Variants in HMGCLL1 observed in about 807,000 individuals in gnomAD.
HMGCLL1 encodes the protein 3-hydroxymethyl-3-methylglutaryl-CoA lyase, cytoplasmic.
In HMGCLL1, 36 loss-of-function variants were observed where a neutral mutation model predicts 39.1. The observed-to-expected ratio is 0.92, with a 90% CI of 0.71 to 1.22. The LOEUF (loss-of-function observed/expected upper bound fraction) is 1.22, where lower values mean the gene tolerates loss of function less well. Ranked by LOEUF, HMGCLL1 falls within the 50% of genes most tolerant of loss-of-function variation. The probability of loss-of-function intolerance (pLI) is 0.00; values close to 1 mark genes in which losing one functional copy is unlikely to be tolerated. For synonymous variants in HMGCLL1, 149 were observed against 144.0 expected (o/e 1.03, Z -0.25); for missense variants, 451 against 416.5 (o/e 1.08, Z -0.72).
At chr6:55,476,841 C>T (rs1280526448) in intron 7 of HMGCLL1, among the ~76,000 whole-genome samples, 1 of 150,414 alleles carries the variant, frequency 6.6e-6, no homozygotes, top group Non-Finnish European at 1.5e-5. Context: ...GATTTGTGAT[C>T]AAGGTTATAC....
the HMGCLL1 span, among the ~76,000 whole-genome samples, chr6:55,641,367 T>C: frequency 6.6e-6 from 1 of 151,888 alleles, no homozygotes; most frequent in Admixed American, 6.6e-5. Flanking sequence ...ACCAAAAAGG[T>C]GGGCCCATTT....
At chr6:55,497,531 G>A (rs762969538) in intron 6 of HMGCLL1, among the ~76,000 whole-genome samples, 1 of 152,070 alleles carries the variant, frequency 6.6e-6, no homozygotes, top group Non-Finnish European at 1.5e-5. Context: ...CATGGCTCAT[G>A]TTATTACAGA....
chr6:55,518,299 A>G (rs1767854529), intron 3 of HMGCLL1, among the ~76,000 whole-genome samples: 2 of 152,186 alleles, frequency 1.3e-5, no homozygotes, highest in South Asian at 4.1e-4. Flanking sequence ...ATAAGAGTTC[A>G]GAATGAATAA....
At chr6:55,498,389 G>T (rs1402466091) in intron 6 of HMGCLL1, among the ~76,000 whole-genome samples, 1 of 152,000 alleles carries the variant, frequency 6.6e-6, no homozygotes, top group Non-Finnish European at 1.5e-5. Context: ...ATAGATAAAA[G>T]GATATGTTTC....
At chr6:55,462,860 A>G (rs1258773211) in intron 7 of HMGCLL1, among the ~76,000 whole-genome samples, 1 of 152,166 alleles carries the variant, frequency 6.6e-6, no homozygotes, top group East Asian at 1.9e-4. Flanking sequence ...CAGAACGTGT[A>G]GACACAGCAC....
chr6:55,493,657 C>A (rs1007028183), intron 7 of HMGCLL1, among the ~76,000 whole-genome samples: 2 of 152,176 alleles, frequency 1.3e-5, no homozygotes, highest in African/African-American at 4.8e-5. Context: ...TCTTTTCACA[C>A]ACGTGCACAC....
intron 1 of HMGCLL1, among the ~76,000 whole-genome samples, chr6:55,573,418 G>A (rs1392999777): frequency 6.6e-6 from 1 of 152,046 alleles, no homozygotes; most frequent in African/African-American, 2.4e-5. Context: ...TGTCAGACAT[G>A]GGATCTAAAA....
the HMGCLL1 span, among the ~76,000 whole-genome samples, chr6:55,592,594 G>C: frequency 7.2e-5 from 11 of 152,132 alleles, no homozygotes; most frequent in African/African-American, 2.4e-4. Context: ...TTACTCACTA[G>C]ATGCCAGTAG....
the HMGCLL1 span, among the ~76,000 whole-genome samples, chr6:55,664,756 C>T: frequency 6.6e-6 from 1 of 151,636 alleles, no homozygotes; most frequent in African/African-American, 2.4e-5. Flanking sequence ...GCAGTCATCT[C>T]AAAACTTTGC....
intron 5 of HMGCLL1, among the ~76,000 whole-genome samples, chr6:55,508,717 A>G (rs1767289859): frequency 6.6e-6 from 1 of 151,884 alleles, no homozygotes; most frequent in Non-Finnish European, 1.5e-5. Flanking sequence ...CATGTTAAAA[A>G]TAATTTTAAA....
the HMGCLL1 span, among the ~76,000 whole-genome samples, chr6:55,599,263 TAAAAAA>T: frequency 6.6e-6 from 1 of 151,674 alleles, no homozygotes; most frequent in Non-Finnish European, 1.5e-5. Context: ...AAAGTATAAT[TAAAAAA>T]GAAAGAAAGA....
chr6:55,621,667 G>A, the HMGCLL1 span, among the ~76,000 whole-genome samples: 1 of 151,956 alleles, frequency 6.6e-6, no homozygotes, highest in South Asian at 2.1e-4. Context: ...ACATTATGGT[G>A]AGTTACATAA....
At chr6:55,536,488 T>C (rs1769034062) in intron 3 of HMGCLL1, among the ~76,000 whole-genome samples, 2 of 152,186 alleles carry the variant, frequency 1.3e-5, no homozygotes, top group Admixed American at 1.3e-4. Flanking sequence ...AAAAGATTAT[T>C]GTATTTACAG....
chr6:55,436,100 G>C (rs1306530338), intron 8 of HMGCLL1, among the ~76,000 whole-genome samples: 3 of 151,610 alleles, frequency 2.0e-5, no homozygotes, highest in African/African-American at 7.3e-5. Context: ...CATCAGCGAA[G>C]GACAATCAAA....
the HMGCLL1 span, among the ~76,000 whole-genome samples, chr6:55,592,528 C>A: frequency 6.6e-6 from 1 of 151,972 alleles, no homozygotes; most frequent in Non-Finnish European, 1.5e-5. Context: ...CTTAATAATT[C>A]TTTGTTGTGG....
chr6:55,518,312 G>A (rs1349752546), intron 3 of HMGCLL1, among the ~76,000 whole-genome samples: 2 of 152,120 alleles, frequency 1.3e-5, no homozygotes, highest in East Asian at 3.9e-4. Flanking sequence ...ATGAATAAAG[G>A]TTGGTATGGC....
chr6:55,572,998 C>T (rs758035103), intron 1 of HMGCLL1, among the ~76,000 whole-genome samples: 1 of 152,134 alleles, frequency 6.6e-6, no homozygotes, highest in Non-Finnish European at 1.5e-5. Context: ...AAGCCAAAAC[C>T]ATCAGATCTT....
chr6:55,445,606 T>C (rs774059570), intron 7 of HMGCLL1, among the ~76,000 whole-genome samples: 9 of 152,130 alleles, frequency 5.9e-5, no homozygotes, highest in South Asian at 2.1e-4. Context: ...TCCATTTCTC[T>C]CCTTTTCAAG....
chr6:55,592,603 A>T, the HMGCLL1 span, among the ~76,000 whole-genome samples: 1 of 152,098 alleles, frequency 6.6e-6, no homozygotes, highest in Admixed American at 6.6e-5. Context: ...AGATGCCAGT[A>T]GCCTCTGAGA....
Sources: gnomAD v4.1 joint callset for allele counts (sites outside exome capture counted in the v4.1 genomes callset) on GRCh38, gnomAD v4.1.1 for gene constraint, MANE v1.5 for transcripts, NCBI Gene and HGNC (gene_info 2026-07-23, HGNC 2026-07-21) for gene names.